The following EMP2 variants were observed in gnomAD, a reference collection of about 807,000 sequenced individuals.
EMP2 encodes epithelial membrane protein 2.
Under a neutral mutation model 13.7 loss-of-function variants are expected in EMP2, and 19 were observed. The ratio of observed to expected loss-of-function variants is 1.38; its 90% CI spans 0.97 to 2.03. The LOEUF (loss-of-function observed/expected upper bound fraction) is 2.03, where lower values mean the gene tolerates loss of function less well. Among genes scored for constraint, EMP2 ranks in the 30% most tolerant of loss-of-function variants. The pLI, the probability that EMP2 is intolerant of heterozygous loss-of-function variation, is 0.00. For missense variants in EMP2, 253 were observed against 220.7 expected, an observed-to-expected ratio of 1.15 and a Z score of -0.93; for synonymous variants, 97 against 84.7, an observed-to-expected ratio of 1.15 and a Z score of -0.80.
In EMP2 at chr16:10,572,753, A is replaced by G. The variant is rs368107877; in HGVS notation, c.-61+7796T>C. 9.2e-5 allele frequency among the ~76,000 whole-genome samples: 14 copies of G among 152,270 alleles called. No homozygotes were observed. In the South Asian group the frequency reaches 1.7e-3, roughly 18 times the overall value. On this transcript the variant is annotated intron_variant, in intron 1 of 4. Transcript: ENST00000359543. ...CACAGCCCACCTGTAGCACCCCGCAATCCAATTCTCTGATCCCACTGGCAT... is the reference window on the plus strand; with the variant it reads ...CACAGCCCACCTGTAGCACCCCGCAGTCCAATTCTCTGATCCCACTGGCAT...
rs2050604877 is a variant in EMP2 at position 10,531,763 on chromosome 16, G to A, written c.*1142C>T. The A allele has an allele frequency of 1.3e-5, 2 of 153,134 alleles. No homozygotes were observed. The highest frequency in any genetic ancestry group is 2.4e-5 in the African/African-American group (1 of 41,228). 9.5% of individuals were successfully genotyped at this position (153,134 alleles called of 1,614,324 possible). On this transcript the variant is annotated 3_prime_UTR_variant, in exon 5 of 5. Coordinates refer to ENST00000359543, the MANE Select transcript of EMP2 (RefSeq NM_001424.6). ...GATTTATGTTGATGAATGAATGAATGAATGAATGAATGAATGAATGAATGA... is the reference window on the plus strand; with the variant it reads ...GATTTATGTTGATGAATGAATGAATAAATGAATGAATGAATGAATGAATGA...
chr16:10,571,255 CAAAAAAAAAAAAAA>C (rs58665715), intron 1 of EMP2, among the ~76,000 whole-genome samples: 11 of 33,434 alleles, frequency 3.3e-4, no homozygotes, highest in Admixed American at 1.0e-3. Context: ...GACTCCGTCT[CAAAAAAAAAAAAAA>C]AAAAAAAAAA....
chr16:10,573,995 T>A (rs1182326956), intron 1 of EMP2, among the ~76,000 whole-genome samples: 1 of 136,948 alleles, frequency 7.3e-6, no homozygotes, highest in Non-Finnish European at 1.5e-5. Flanking sequence ...TGGAGTGCAG[T>A]GGCATGATCT....
intron 1 of EMP2, among the ~76,000 whole-genome samples, chr16:10,566,339 C>T (rs995193205): frequency 6.6e-6 from 1 of 152,264 alleles, no homozygotes; most frequent in African/African-American, 2.4e-5. Flanking sequence ...AAAACAAATA[C>T]CCCCTGCCCC....
intron 4 of EMP2, 121 bp downstream of exon 4, chr16:10,537,807 C>T: frequency 9.1e-6 from 12 of 1,318,198 alleles, no homozygotes; most frequent in Non-Finnish European, 1.1e-5. Flanking sequence ...CACACAGCAC[C>T]GCGCGGCTGC....
intron 1 of EMP2, among the ~76,000 whole-genome samples, chr16:10,575,874 G>C (rs1235141211): frequency 6.6e-6 from 1 of 152,024 alleles, no homozygotes. Flanking sequence ...TCGGTCTGAA[G>C]CTGAACATAG....
intron 1 of EMP2, among the ~76,000 whole-genome samples, chr16:10,548,125 G>A (rs2050754135): frequency 6.6e-6 from 1 of 152,190 alleles, no homozygotes; most frequent in African/African-American, 2.4e-5. Flanking sequence ...CTGGACAAAA[G>A]TCTGGCATGA....
chr16:10,545,056 G>T (rs918486610), intron 2 of EMP2: 1 of 152,110 alleles, frequency 6.6e-6, no homozygotes, highest in African/African-American at 2.4e-5. Context: ...AATACATAAT[G>T]AATACCCTCA....
rs1256934496 is a variant in EMP2 at position 10,528,962 on chromosome 16, C to T, written c.*3943G>A. 4 of 152,140 alleles carry T rather than the reference C, an allele frequency of 2.6e-5. No homozygotes were observed. The highest frequency in any genetic ancestry group is 4.8e-5 in the African/African-American group (2 of 41,418). The allele number at this position is 152,140 out of a possible 1,614,324, so 9.4% of individuals were successfully genotyped here. A position where few individuals can be genotyped will look rare whatever the true frequency, so the allele number is the denominator to read the frequency against. On this transcript the variant is annotated 3_prime_UTR_variant, in exon 5 of 5. Transcript: ENST00000359543. ...TTCATGAGGGGTGTCCACAAAAGCA[C>T]GCAAACTATAGCAGAGTGTGTGGGA... is the stretch of plus-strand genomic sequence containing the variant.
intron 1 of EMP2, among the ~76,000 whole-genome samples, chr16:10,551,297 C>T (rs2050786679): frequency 2.0e-5 from 3 of 152,178 alleles, no homozygotes. Flanking sequence ...TTCAAAGGTC[C>T]ATCCATGATG....
chr16:10,549,659 G>C (rs1567204593), intron 1 of EMP2, among the ~76,000 whole-genome samples: 1 of 151,868 alleles, frequency 6.6e-6, no homozygotes, highest in Admixed American at 6.6e-5. Flanking sequence ...GTGCGAATCA[G>C]ACCTTCTGTT....
At chr16:10,552,080 C>G (rs1196150064) in intron 1 of EMP2, among the ~76,000 whole-genome samples, 2 of 151,674 alleles carry the variant, frequency 1.3e-5, no homozygotes, top group Non-Finnish European at 2.9e-5. Flanking sequence ...TCATTCTTAG[C>G]TGCCACCATA....
At position 10,553,689 on chromosome 16, in the gene EMP2, T is replaced by C. The variant is rs192823069; in HGVS notation, c.-60-6012A>G. Among the ~76,000 whole-genome samples the C allele has an allele frequency of 1.5e-3, 231 of 152,342 alleles. 3 individuals carry two copies. The highest frequency in any genetic ancestry group is 2.9e-3 in the East Asian group (15 of 5,180). Reference sequence around the variant, plus strand: ...AACATTCTTTCCCTGTGCCTACGAATCCACCTCATTCCTTGGGCTGCCTGG... The same window carrying C: ...AACATTCTTTCCCTGTGCCTACGAACCCACCTCATTCCTTGGGCTGCCTGG... On this transcript the variant is annotated intron_variant, in intron 1 of 4. Coordinates refer to ENST00000359543, the MANE Select transcript of EMP2 (RefSeq NM_001424.6).
chr16:10,533,419 C>T (rs950459664), intron 4 of EMP2, among the ~76,000 whole-genome samples: 2 of 152,174 alleles, frequency 1.3e-5, no homozygotes, highest in African/African-American at 4.8e-5. Flanking sequence ...ATATTGTCAC[C>T]TACCCTGTAG....
At chr16:10,565,221 C>T (rs777877023) in intron 1 of EMP2, among the ~76,000 whole-genome samples, 14 of 152,200 alleles carry the variant, frequency 9.2e-5, no homozygotes, top group Non-Finnish European at 2.1e-4. Flanking sequence ...TCTGGTCCAA[C>T]GAAAGCATCT....
At chr16:10,544,525 T>C (rs1207609874) in intron 2 of EMP2, 1 of 152,366 alleles carries the variant, frequency 6.6e-6, no homozygotes, top group Non-Finnish European at 1.5e-5. Context: ...CCCTGCTACT[T>C]TCTCCCAAAG....
At chr16:10,534,850 G>C (rs2050635141) in intron 4 of EMP2, among the ~76,000 whole-genome samples, 1 of 152,204 alleles carries the variant, frequency 6.6e-6, no homozygotes, top group South Asian at 2.1e-4. Context: ...GTTTTCCTTG[G>C]GGGACCTATC....
intron 1 of EMP2, among the ~76,000 whole-genome samples, chr16:10,560,302 T>C (rs1596378533): frequency 1.3e-5 from 2 of 152,094 alleles, no homozygotes; most frequent in South Asian, 2.1e-4. Flanking sequence ...ACACAGGTCA[T>C]CCCCGAGTCC....
At chr16:10,534,734 C>T (rs2050634317) in intron 4 of EMP2, among the ~76,000 whole-genome samples, 1 of 152,236 alleles carries the variant, frequency 6.6e-6, no homozygotes. Flanking sequence ...CCCCTGCACT[C>T]CAGCTTGGGC....
Sources: allele counts gnomAD v4.1 joint callset (sites outside exome capture counted in the v4.1 genomes callset), GRCh38; gene constraint gnomAD v4.1.1; transcripts MANE v1.5; gene names NCBI Gene and HGNC (gene_info 2026-07-23, HGNC 2026-07-21).